The following ARHGAP21 variants were observed in gnomAD, a reference collection of about 807,000 sequenced individuals.
ARHGAP21 encodes the protein Rho GTPase activating protein 21.
A neutral mutation model predicts 164.6 loss-of-function variants in ARHGAP21; 38 were observed. The ratio of observed to expected loss-of-function variants is 0.23; its 90% CI spans 0.18 to 0.30. The LOEUF (loss-of-function observed/expected upper bound fraction) is 0.30. Among genes scored for constraint, ARHGAP21 ranks in the 10% least tolerant of loss-of-function variants. The pLI, the probability that ARHGAP21 is intolerant of heterozygous loss-of-function variation, is 1.00. For synonymous variants in ARHGAP21, 766 were observed against 857.9 expected (o/e 0.89, Z 1.87); for missense variants, 1,822 against 2,370.7 (o/e 0.77, Z 4.81).
intron 3 of ARHGAP21, 37 bp from the exon 4 acceptor site, chr10:24,667,046 A>C (rs767324031): frequency 6.1e-6 from 7 of 1,146,736 alleles, no homozygotes; most frequent in Non-Finnish European, 8.6e-6. Flanking sequence ...ATATGAGTAC[A>C]TATTTATAAA....
At chr10:24,625,967 T>C (rs1835103023) in intron 7 of ARHGAP21, among the ~76,000 whole-genome samples, 1 of 152,160 alleles carries the variant, frequency 6.6e-6, no homozygotes, top group South Asian at 2.1e-4. Context: ...GACTGTGGTT[T>C]AGAGTACAGG....
chr10:24,695,299 T>G (rs1440096636), intron 2 of ARHGAP21, among the ~76,000 whole-genome samples: 1 of 152,090 alleles, frequency 6.6e-6, no homozygotes, highest in Admixed American at 6.5e-5. Flanking sequence ...GTGGGTGCAG[T>G]GGCTCACGCC....
At position 24,696,426 on chromosome 10, in the gene ARHGAP21, G is replaced by C. The variant is rs184617869; in HGVS notation, c.63+25411C>G. 8.9e-4 allele frequency among the ~76,000 whole-genome samples: 135 copies of C among 152,250 alleles called. 2 individuals carry two copies. The East Asian group carries it at 0.024, about 27-fold the overall frequency. On this transcript the variant is annotated intron_variant, in intron 2 of 25. Coordinates refer to ENST00000396432, the MANE Select transcript of ARHGAP21 (RefSeq NM_020824.4). ...ACCCTCAAAACTCACACAGGACGAA[G>C]AAGAGAGCCCGTTTTCGCCAATGAG... is the stretch of plus-strand genomic sequence containing the variant.
Position 24,597,567 on chromosome 10 carries a change from G to C in ARHGAP21, c.3214C>G (p.Pro1072Ala). 2 of 1,614,000 alleles carry C rather than the reference G, an allele frequency of 1.2e-6. No homozygotes were observed. The highest frequency in any genetic ancestry group is 1.7e-6 in the Non-Finnish European group (2 of 1,179,936). ...CTGAGACTCTGGCGAGGTGTTTTTGGCAACTGTTCTGCTTTGCTGTTGAAG... is the reference window on the plus strand; with the variant it reads ...CTGAGACTCTGGCGAGGTGTTTTTGCCAACTGTTCTGCTTTGCTGTTGAAG... Reference protein sequence around the residue: ...NNLMSKAEQLPKTPRQSLSIR... With the variant: ...NNLMSKAEQLAKTPRQSLSIR... The change falls in exon 16 of 26, where the codon CCA (proline) becomes GCA (alanine). Residue 1072 changes from proline to alanine, a missense_variant. Pro to Ala is a conservative substitution (Grantham distance 27). Around this residue, in one of 5 missense-constraint regions of ARHGAP21, gnomAD observed 1,090 missense variants for 1,378.9 expected, o/e 0.79. Coordinates refer to ENST00000396432, the MANE Select transcript of ARHGAP21 (RefSeq NM_020824.4).
At chr10:24,593,789 C>CTATT (rs1336108247) in intron 21 of ARHGAP21, among the ~76,000 whole-genome samples, 1 of 151,986 alleles carries the variant, frequency 6.6e-6, no homozygotes, top group African/African-American at 2.4e-5. Context: ...TAATTAGAGA[C>CTATT]TATTTCAGCT....
chr10:24,666,669 T>C (rs549155673), intron 4 of ARHGAP21, among the ~76,000 whole-genome samples: 1 of 152,272 alleles, frequency 6.6e-6, no homozygotes, highest in East Asian at 1.9e-4. Context: ...CCTAAAATAA[T>C]CACCTCATCT....
chr10:24,689,962 G>A (rs111245340), intron 2 of ARHGAP21, among the ~76,000 whole-genome samples: 12 of 147,258 alleles, frequency 8.1e-5, no homozygotes, highest in African/African-American at 2.3e-4. Flanking sequence ...GTGTGTGTGT[G>A]TGTATATACA....
At chr10:24,721,590 G>A (rs1431444643) in intron 2 of ARHGAP21, among the ~76,000 whole-genome samples, 1 of 152,210 alleles carries the variant, frequency 6.6e-6, no homozygotes, top group East Asian at 1.9e-4. Context: ...GCTCTGAGAA[G>A]GGGTGACCAA....
At chr10:24,622,433 C>CATATAAAT (rs1834641784) in intron 8 of ARHGAP21, among the ~76,000 whole-genome samples, 12 of 89,766 alleles carry the variant, frequency 1.3e-4, no homozygotes, top group African/African-American at 4.9e-4. Context: ...ACTTAAAAAA[C>CATATAAAT]ATATATATAT....
In ARHGAP21 at chr10:24,670,530, A is replaced by G. The variant is rs1299484389; in HGVS notation, c.64-133T>C. 4 of 480,068 alleles carry G rather than the reference A, an allele frequency of 8.3e-6. No individual in the cohort carries two copies. In the Admixed American group the frequency reaches 1.8e-4, roughly 21 times the overall value. 29.7% of individuals were successfully genotyped at this position (480,068 alleles called of 1,614,324 possible). On this transcript the variant is annotated intron_variant, in intron 2 of 25. Coordinates refer to ENST00000396432, the MANE Select transcript of ARHGAP21 (RefSeq NM_020824.4). ...TTCTGATGCATAAACTACACAAAGC[A>G]TGCAATTATCAAAAACTAAAATTTA...
At chr10:24,638,563 T>C (rs559977134) in intron 4 of ARHGAP21, among the ~76,000 whole-genome samples, 2 of 152,370 alleles carry the variant, frequency 1.3e-5, no homozygotes, top group South Asian at 2.1e-4. Flanking sequence ...CTTACTTCCC[T>C]GTATGATTAC....
chr10:24,590,351 G>T, intron 24 of ARHGAP21: 1 of 1,535,276 alleles, frequency 6.5e-7, no homozygotes, highest in Non-Finnish European at 8.7e-7. Flanking sequence ...AAGAATCGGG[G>T]ATTTCTGCAG....
At chr10:24,588,108 C>A (rs1012513063) in intron 25 of ARHGAP21, among the ~76,000 whole-genome samples, 3 of 152,280 alleles carry the variant, frequency 2.0e-5, no homozygotes, top group Non-Finnish European at 2.9e-5. Flanking sequence ...TGATCCTTGA[C>A]TGCATTCTGT....
rs899414162 is a variant in ARHGAP21, at chr10:24,712,269, G to T, written c.63+9568C>A. On this transcript the variant is annotated intron_variant, in intron 2 of 25. Transcript: ENST00000396432. ...TCCAGTGACATATGACCTTACAAGA[G>T]AAAGGCAGATGGAGACTTGGGCATG... Among the ~76,000 whole-genome samples, 6 of 152,210 alleles carry T rather than the reference G, an allele frequency of 3.9e-5. No individual in the cohort carries two copies. The East Asian group carries it at 1.2e-3, about 29-fold the overall frequency.
chr10:24,591,229 T>C lies in ARHGAP21; in HGVS notation c.4146A>G (p.Val1382=). Reference sequence around the variant, plus strand: ...GACTGCCCAGGCAAGAGTTACCTGATACATCTCCTGGGGAGACTCCTGTCC... The same window carrying C: ...GACTGCCCAGGCAAGAGTTACCTGACACATCTCCTGGGGAGACTCCTGTCC... ...IGRTGVSPGD[V]SDSATSDSTK... Residue 1382 remains valine, a synonymous_variant, in exon 24 of 26, where the codon GTA becomes GTG. Transcript: ENST00000396432. The C allele has an allele frequency of 6.2e-7, 1 of 1,610,866 alleles. No individual in the cohort carries two copies. The highest frequency in any genetic ancestry group is 8.5e-7 in the Non-Finnish European group (1 of 1,178,858).
At chr10:24,592,587 T>TCAGGG (rs2076381913) in intron 21 of ARHGAP21, among the ~76,000 whole-genome samples, 1 of 151,874 alleles carries the variant, frequency 6.6e-6, no homozygotes, top group African/African-American at 2.4e-5. Flanking sequence ...TCAGGTGGAC[T>TCAGGG]GCTTGAGCCC....
At chr10:24,720,099 G>A (rs1845781625) in intron 2 of ARHGAP21, among the ~76,000 whole-genome samples, 1 of 152,066 alleles carries the variant, frequency 6.6e-6, no homozygotes, top group African/African-American at 2.4e-5. Context: ...GCTGCCAGCA[G>A]TAAGGTCCAA....
rs56053080 is a variant in ARHGAP21 at position 24,660,386 on chromosome 10, TA to T, written c.268+6598del. On this transcript the variant is annotated intron_variant, in intron 4 of 25. Coordinates refer to ENST00000396432, the MANE Select transcript of ARHGAP21 (RefSeq NM_020824.4). ...GCACAGAGCAACACCCTCTCTCTCT[TA>T]AAAAAAAAAAAAAAAAAAAAAAAGA... Among the ~76,000 whole-genome samples the T allele has an allele frequency of 7.8e-4, 47 of 60,092 alleles. 1 individual carries two copies. The highest frequency in any genetic ancestry group is 7.6e-3 in the East Asian group (13 of 1,714). 39.4% of individuals were successfully genotyped at this position (60,092 alleles called of 152,430 possible).
intron 2 of ARHGAP21, among the ~76,000 whole-genome samples, chr10:24,711,374 A>T (rs1021312207): frequency 6.6e-6 from 1 of 152,020 alleles, no homozygotes; most frequent in African/African-American, 2.4e-5. Flanking sequence ...GAAAAAAAAA[A>T]ACTCAGAGAC....
Sources: allele counts gnomAD v4.1 joint callset (sites outside exome capture counted in the v4.1 genomes callset), GRCh38; gene constraint gnomAD v4.1.1; regional missense constraint gnomAD v4.1.1; transcripts MANE v1.5; gene names NCBI Gene and HGNC (gene_info 2026-07-23, HGNC 2026-07-21).